The following STON2 variants were observed in gnomAD, a reference collection of about 807,000 sequenced individuals.
STON2 encodes stonin-2.
In STON2, 29 loss-of-function variants were observed where a neutral mutation model predicts 65.7. The ratio of observed to expected loss-of-function variants is 0.44; its 90% CI spans 0.33 to 0.60. The LOEUF (loss-of-function observed/expected upper bound fraction) is 0.60, where lower values mean the gene tolerates loss of function less well. Among genes scored for constraint, STON2 ranks in the 20% least tolerant of loss-of-function variants. The pLI is 0.03. For synonymous variants in STON2, 404 were observed against 414.2 expected (o/e 0.98, Z 0.30); for missense variants, 1,054 against 1,118.1 (o/e 0.94, Z 0.82).
chr14:81,283,478 C>T (rs1421105564), intron 5 of STON2, among the ~76,000 whole-genome samples: 1 of 151,242 alleles, frequency 6.6e-6, no homozygotes, highest in African/African-American at 2.4e-5. Flanking sequence ...TGTTACATAA[C>T]AGCATATAAA....
In STON2 at chr14:81,267,943, C is replaced by A. The variant is rs1428610650; in HGVS notation, c.*471G>T. 3 of 985,496 alleles carry A rather than the reference C, an allele frequency of 3.0e-6. No individual in the cohort carries two copies. The highest frequency in any genetic ancestry group is 3.6e-6 in the Non-Finnish European group (3 of 830,110). 61.0% of individuals were successfully genotyped at this position (985,496 alleles called of 1,614,324 possible). On this transcript the variant is annotated 3_prime_UTR_variant, in exon 8 of 8. Transcript: ENST00000614646. ...AAATTTGTTTTGCACCTTTTCTGAA[C>A]CTTTTCTAGACAGAGTGAAAGAGAT...
intron 4 of STON2, among the ~76,000 whole-genome samples, chr14:81,360,649 A>G (rs955358322): frequency 3.3e-5 from 5 of 152,204 alleles, no homozygotes; most frequent in African/African-American, 4.8e-5. Context: ...ACTTCTATTC[A>G]ACATAGTATT....
At position 81,261,555 on chromosome 14, in the gene STON2, G is replaced by C. The variant is rs1894145910; in HGVS notation, c.*6859C>G. The stretch of plus-strand genomic sequence containing the variant: ...AGACAACGAGGATACAGAGGGGACT[G>C]TCCCTTTTCTCTCATCTGGTTTTGC... On this transcript the variant is annotated 3_prime_UTR_variant, in exon 8 of 8. Coordinates refer to ENST00000614646, the MANE Select transcript of STON2 (RefSeq NM_001394390.1). 2.6e-6 allele frequency: 1 copy of C among 388,600 alleles called. No individual in the cohort carries two copies. The highest frequency in any genetic ancestry group is 3.9e-5 in the East Asian group (1 of 25,414). The allele number at this position is 388,600 out of a possible 1,614,324, so 24.1% of individuals were successfully genotyped here. A position where few individuals can be genotyped will look rare whatever the true frequency, so the allele number is the denominator to read the frequency against.
chr14:81,284,201 A>G (rs1479156047), intron 5 of STON2, among the ~76,000 whole-genome samples: 1 of 152,232 alleles, frequency 6.6e-6, no homozygotes, highest in Non-Finnish European at 1.5e-5. Flanking sequence ...ATGGCCTCTA[A>G]GTATTCAGAT....
chr14:81,283,599 C>T lies in STON2; in HGVS notation c.743-4860G>A, dbSNP rs148926862. Among the ~76,000 whole-genome samples the T allele has an allele frequency of 8.4e-3, 1,240 of 147,276 alleles. 24 individuals are homozygous for T. The highest frequency in any genetic ancestry group is 0.03 in the African/African-American group (1,166 of 39,334). On this transcript the variant is annotated intron_variant, in intron 5 of 7. Coordinates refer to ENST00000614646, the MANE Select transcript of STON2 (RefSeq NM_001394390.1). ...AAGCTGGAATGCAGTGGCGCTATCT[C>T]GGCTCACTGCAAGTTCCGCCTCCCG...
Position 81,265,960 on chromosome 14 carries a change from T to C in STON2, c.*2454A>G. ...GCCAACTCTCCAATCCATTTAGATG[T>C]TCTATGAGGAATTAATCTCAAAAGC... On this transcript the variant is annotated 3_prime_UTR_variant, in exon 8 of 8. Coordinates refer to ENST00000614646, the MANE Select transcript of STON2 (RefSeq NM_001394390.1). 2.0e-6 allele frequency: 2 copies of C among 985,406 alleles called. No individual in the cohort carries two copies. Among genetic ancestry groups the C allele is most frequent in the Non-Finnish European group, 2.4e-6 (2 of 829,932 alleles). 61.0% of individuals were successfully genotyped at this position (985,406 alleles called of 1,614,324 possible). A position where few individuals can be genotyped will look rare whatever the true frequency, so the allele number is the denominator to read the frequency against.
chr14:81,428,544 G>A (rs547079628), intron 1 of STON2, among the ~76,000 whole-genome samples: 22 of 151,916 alleles, frequency 1.4e-4, no homozygotes, highest in African/African-American at 4.3e-4. Context: ...CCAACATGGC[G>A]AAACCCCGTC....
At chr14:81,335,898 A>C (rs977848779) in intron 4 of STON2, among the ~76,000 whole-genome samples, 4 of 152,102 alleles carry the variant, frequency 2.6e-5, no homozygotes, top group African/African-American at 9.7e-5. Context: ...TATACACACA[A>C]TATTAAGAGG....
chr14:81,300,373 G>A (rs1895926043), intron 5 of STON2, among the ~76,000 whole-genome samples: 1 of 151,964 alleles, frequency 6.6e-6, no homozygotes, highest in Admixed American at 6.6e-5. Context: ...CATGACCTTA[G>A]GGTAGGCAAA....
intron 3 of STON2, among the ~76,000 whole-genome samples, chr14:81,383,481 G>C (rs1899634991): frequency 6.6e-6 from 1 of 152,138 alleles, no homozygotes; most frequent in Non-Finnish European, 1.5e-5. Context: ...CCAAAACTAA[G>C]CTCCTGTTAT....
At chr14:81,366,065 T>C (rs1898709621) in intron 4 of STON2, among the ~76,000 whole-genome samples, 1 of 152,186 alleles carries the variant, frequency 6.6e-6, no homozygotes, top group African/African-American at 2.4e-5. Context: ...CTATTAACAA[T>C]TCTCCTGCCA....
Position 81,423,194 on chromosome 14 carries a change from A to G in STON2, c.-199+3908T>C, listed in dbSNP as rs377457722. Among the ~76,000 whole-genome samples, 29 of 152,302 alleles carry G rather than the reference A, an allele frequency of 1.9e-4. No homozygotes were observed. The East Asian group carries it at 3.1e-3, about 16-fold the overall frequency. ...CGTACACAAGTCACCAACCAGGAAGAGTTCTCAAGTTAGGGCCAAGACCAA... is the reference window on the plus strand; with the variant it reads ...CGTACACAAGTCACCAACCAGGAAGGGTTCTCAAGTTAGGGCCAAGACCAA... On this transcript the variant is annotated intron_variant, in intron 2 of 8. Coordinates refer to the STON2 transcript ENST00000553821.
At chr14:81,415,354 A>G (rs1317976652) in intron 2 of STON2, among the ~76,000 whole-genome samples, 1 of 152,124 alleles carries the variant, frequency 6.6e-6, no homozygotes, top group Non-Finnish European at 1.5e-5. Flanking sequence ...AGAGAGTAGT[A>G]AAGAGTAGTC....
At chr14:81,337,739 G>A (rs1353858454) in intron 4 of STON2, among the ~76,000 whole-genome samples, 2 of 152,162 alleles carry the variant, frequency 1.3e-5, no homozygotes, top group Non-Finnish European at 2.9e-5. Context: ...CAGCTGCTGA[G>A]ATAGCAAGGA....
intron 4 of STON2, chr14:81,332,997 AG>A: frequency 1.9e-6 from 1 of 532,216 alleles, no homozygotes; most frequent in South Asian, 2.1e-5. Context: ...TGGCCTTTGC[AG>A]TCCCCCTGAC....
chr14:81,322,625 T>G (rs1050019011), intron 5 of STON2, among the ~76,000 whole-genome samples: 2 of 152,130 alleles, frequency 1.3e-5, no homozygotes, highest in African/African-American at 4.8e-5. Flanking sequence ...CTGATTTACC[T>G]CCAGCAAAAG....
At chr14:81,273,317 C>A (rs758770080) in intron 6 of STON2, among the ~76,000 whole-genome samples, 82 of 152,326 alleles carry the variant, frequency 5.4e-4, no homozygotes, top group Admixed American at 1.1e-3. Context: ...TAAGTCCACA[C>A]ATTCTGTCAT....
chr14:81,280,890 A>T (rs980314664), intron 5 of STON2, among the ~76,000 whole-genome samples: 3 of 152,018 alleles, frequency 2.0e-5, no homozygotes, highest in Non-Finnish European at 4.4e-5. Context: ...ACAAGCCTGT[A>T]ATCCTAGATA....
chr14:81,389,235 A>C (rs943092724), intron 3 of STON2, among the ~76,000 whole-genome samples: 4 of 152,262 alleles, frequency 2.6e-5, no homozygotes, highest in Non-Finnish European at 5.9e-5. Context: ...AAAGGGCTAA[A>C]GCCAAAAATT....
Sources: allele counts gnomAD v4.1 joint callset (sites outside exome capture counted in the v4.1 genomes callset), GRCh38; gene constraint gnomAD v4.1.1; transcripts MANE v1.5; gene names NCBI Gene and HGNC (gene_info 2026-07-23, HGNC 2026-07-21).